Variants in ADGRV1 observed in about 807,000 individuals in gnomAD.
The protein encoded by ADGRV1 is G-protein coupled receptor 98.
In ADGRV1, 359 loss-of-function variants were observed where a neutral mutation model predicts 596.2. The ratio of observed to expected loss-of-function variants is 0.60; its 90% CI spans 0.55 to 0.66. The LOEUF (loss-of-function observed/expected upper bound fraction) is 0.66, where lower values mean the gene tolerates loss of function less well. ADGRV1 is among the 30% of genes least tolerant of loss of function. ADGRV1 has a pLI of 0.00. For synonymous variants in ADGRV1, 2,681 were observed against 2,679.2 expected (o/e 1.00, Z -0.02); for missense variants, 7,274 against 7,575.6 (o/e 0.96, Z 1.48).
At position 90,629,473 on chromosome 5, in the gene ADGRV1, A is replaced by T. The variant is rs750849136; in HGVS notation, c.1773A>T (p.Gln591His). The T allele has an allele frequency of 6.2e-7, 1 of 1,613,672 alleles. No individual in the cohort carries two copies. Among genetic ancestry groups the T allele is most frequent in the Non-Finnish European group, 8.5e-7 (1 of 1,179,780 alleles). Residue 591 changes from glutamine (Q) to histidine (H), a missense_variant, in exon 9 of 90, where the codon CAA becomes CAT. Transcript: ENST00000405460. Reference sequence around the variant, plus strand: ...TCATTTTTCCAGAGCAAAAAACTCAAGTCACTACAAAATTACCAATAAGAA... The same window carrying T: ...TCATTTTTCCAGAGCAAAAAACTCATGTCACTACAAAATTACCAATAAGAA... ...NDLIFPEQKT[Q>H]VTTKLPIRND...
rs375839872 is a variant in ADGRV1, at chr5:90,628,821, G to A, written c.1498G>A (p.Glu500Lys). 9.9e-6 allele frequency: 16 copies of A among 1,613,790 alleles called. No homozygotes were observed. The highest frequency in any genetic ancestry group is 2.2e-5 in the East Asian group (1 of 44,884). ...HTIRGGAEVS[E>K]PAELLFYIQD... Reference sequence around the variant, plus strand: ...AATACGAGGAGGTGCAGAAGTGAGCGAGCCAGCGGAGGTATAACCCTTGTT... The same window carrying A: ...AATACGAGGAGGTGCAGAAGTGAGCAAGCCAGCGGAGGTATAACCCTTGTT... Residue 500 changes from glutamate (E) to lysine (K), a missense_variant, in exon 8 of 90, where the codon GAG becomes AAG. Around this residue, in one of 5 missense-constraint regions of ADGRV1, gnomAD observed 1,715 missense variants for 1,708.8 expected, o/e 1.00. Coordinates refer to ENST00000405460, the MANE Select transcript of ADGRV1 (RefSeq NM_032119.4).
At chr5:91,058,683 A>G (rs1411162936) in intron 85 of ADGRV1, among the ~76,000 whole-genome samples, 4 of 152,016 alleles carry the variant, frequency 2.6e-5, no homozygotes, top group Non-Finnish European at 5.9e-5. Context: ...TTTTTGAATG[A>G]CCCATCATTA....
At chr5:91,100,583 A>G (rs184597878) in intron 86 of ADGRV1, among the ~76,000 whole-genome samples, 2 of 152,360 alleles carry the variant, frequency 1.3e-5, no homozygotes, top group East Asian at 3.9e-4. Flanking sequence ...ATATTAGTCT[A>G]CATTAGAAGA....
Position 90,642,849 on chromosome 5 carries a change from T to G in ADGRV1, c.2368-7T>G. The G allele has an allele frequency of 6.3e-7, 1 of 1,597,820 alleles. No individual in the cohort carries two copies. Among genetic ancestry groups the G allele is most frequent in the Non-Finnish European group, 8.5e-7 (1 of 1,173,614 alleles). ...GGGTTTCAACTTTTGTGGATTTGTT[T>G]TTAAAGGAAGGAGAATCTGTAGAGC... On this transcript the variant is annotated splice_region_variant and splice_polypyrimidine_tract_variant and intron_variant, in intron 12 of 89. Transcript: ENST00000405460.
rs1294382492 is a variant in ADGRV1 at position 90,607,730 on chromosome 5, T to C, written c.23-7105T>C. Among the ~76,000 whole-genome samples, 4 of 152,194 alleles carry C rather than the reference T, an allele frequency of 2.6e-5. No homozygotes were observed. In the East Asian group the frequency reaches 7.7e-4, roughly 29 times the overall value. ...CACTGAAAGTTGACAAGCCACATCC[T>C]TCTGCACATGCTCAGAACTTTCAAG... On this transcript the variant is annotated intron_variant, in intron 1 of 89. Coordinates refer to ENST00000405460, the MANE Select transcript of ADGRV1 (RefSeq NM_032119.4).
intron 87 of ADGRV1, among the ~76,000 whole-genome samples, chr5:91,136,263 T>A (rs1183282991): frequency 1.3e-5 from 2 of 152,150 alleles, no homozygotes; most frequent in Non-Finnish European, 2.9e-5. Flanking sequence ...AATGACTCAA[T>A]AAAGAATAAA....
At chr5:90,621,661 T>G (rs2152063668) in intron 4 of ADGRV1, among the ~76,000 whole-genome samples, 1 of 152,276 alleles carries the variant, frequency 6.6e-6, no homozygotes, top group Admixed American at 6.5e-5. Context: ...GAATCCTAGT[T>G]TCTGTCATGG....
At chr5:91,001,656 C>T (rs531412479) in intron 85 of ADGRV1, among the ~76,000 whole-genome samples, 4 of 152,192 alleles carry the variant, frequency 2.6e-5, no homozygotes, top group African/African-American at 4.8e-5. Context: ...ATATTTGCCA[C>T]GCTTTGTGAT....
intron 28 of ADGRV1, 141 bp from the exon 29 acceptor site, chr5:90,685,632 AAATAAAT>A (rs1745518243): frequency 8.5e-6 from 2 of 235,682 alleles, no homozygotes; most frequent in Non-Finnish European, 1.5e-5. Flanking sequence ...ATAAATAAAT[AAATAAAT>A]AAAATAAATA....
At chr5:90,940,172 C>A (rs1776050605) in intron 83 of ADGRV1, among the ~76,000 whole-genome samples, 1 of 152,224 alleles carries the variant, frequency 6.6e-6, no homozygotes, top group Non-Finnish European at 1.5e-5. Context: ...GGCTAAGAAT[C>A]TACCTCCCCT....
chr5:91,041,088 A>T lies in ADGRV1; in HGVS notation c.18153-31359A>T, dbSNP rs866793146. Reference sequence around the variant, plus strand: ...GTGGAAGACAGTGTGGCAATTCCTCAAGGATCTAGAACTAGAAATACCGTT... The same window carrying T: ...GTGGAAGACAGTGTGGCAATTCCTCTAGGATCTAGAACTAGAAATACCGTT... On this transcript the variant is annotated intron_variant, in intron 85 of 89. Transcript: ENST00000405460. Among the ~76,000 whole-genome samples, 6 of 152,216 alleles carry T rather than the reference A, an allele frequency of 3.9e-5. No homozygotes were observed. In the South Asian group the frequency reaches 1.2e-3, roughly 32 times the overall value.
In ADGRV1 at chr5:90,647,758, T is replaced by G; in HGVS notation, c.3283T>G (p.Ser1095Ala). The G allele has an allele frequency of 6.2e-7, 1 of 1,610,872 alleles. No individual in the cohort carries two copies. The highest frequency in any genetic ancestry group is 8.5e-7 in the Non-Finnish European group (1 of 1,178,076). The change falls in exon 17 of 90, where the codon TCA (serine) becomes GCA (alanine). Residue 1095 changes from serine to alanine, a missense_variant. Physicochemically the swap from Ser to Ala is moderately conservative, Grantham distance 99. This residue lies in a region of ADGRV1 where 1,715 missense variants were observed against 1,708.8 expected (regional missense o/e 1.00). Coordinates refer to ENST00000405460, the MANE Select transcript of ADGRV1 (RefSeq NM_032119.4). ...GCCCTTTTATATAATCCTCTTGAAT[T>G]CAACAGGTAAGTAAATTATGCTTTT... ...DEPFYIILLN[S>A]TGDTVVYQYG...
At chr5:90,595,774 TG>T (rs1760386556) in intron 1 of ADGRV1, among the ~76,000 whole-genome samples, 3 of 126,688 alleles carry the variant, frequency 2.4e-5, no homozygotes, top group African/African-American at 6.1e-5. Context: ...ACGGGGTGGC[TG>T]GCCGGGCGGG....
chr5:90,853,677 C>A, intron 80 of ADGRV1, 144 bp downstream of exon 80: 1 of 736,134 alleles, frequency 1.4e-6, no homozygotes, highest in Non-Finnish European at 2.1e-6. Flanking sequence ...TCTTTATGAA[C>A]TATTTGTAGA....
intron 83 of ADGRV1, among the ~76,000 whole-genome samples, chr5:90,921,796 G>GTTTT (rs571601390): frequency 1.1e-4 from 14 of 124,398 alleles, no homozygotes; most frequent in Non-Finnish European, 1.0e-4. Flanking sequence ...GTTGTGTCTT[G>GTTTT]TTTTTTTTTT....
intron 75 of ADGRV1, chr5:90,822,089 C>T (rs1214799454): frequency 6.5e-6 from 1 of 154,342 alleles, no homozygotes; most frequent in Non-Finnish European, 1.4e-5. Flanking sequence ...GTAGGACCCT[C>T]CGAGCCAGGT....
At chr5:90,619,772 C>T (rs148223071) in intron 4 of ADGRV1, among the ~76,000 whole-genome samples, 2,772 of 142,592 alleles carry the variant, frequency 0.019, 89 homozygotes, top group African/African-American at 0.063. Context: ...CCACAACAGA[C>T]GCCGGTGTGT....
chr5:90,694,683 A>C lies in ADGRV1; in HGVS notation c.7927A>C (p.Ile2643Leu). The C allele has an allele frequency of 6.3e-7, 1 of 1,584,896 alleles. No homozygotes were observed. Among genetic ancestry groups the C allele is most frequent in the Non-Finnish European group, 8.6e-7 (1 of 1,164,680 alleles). Residue 2643 changes from isoleucine (I) to leucine (L), a missense_variant, in exon 33 of 90, where the codon ATT (isoleucine) becomes CTT (leucine). By Grantham distance (5) the Ile-to-Leu change is conservative. Coordinates refer to ENST00000405460, the MANE Select transcript of ADGRV1 (RefSeq NM_032119.4). ...TTTAGATTTTATAGGTGCTGGAGAGATTCTGACCTTTGCTGAAGGTGAGCA... is the reference window on the plus strand; with the variant it reads ...TTTAGATTTTATAGGTGCTGGAGAGCTTCTGACCTTTGCTGAAGGTGAGCA... The part of the protein sequence containing the change: ...EGLDFIGAGE[I>L]LTFAEGETKK...
At chr5:90,693,059 C>A (rs1746690713) in intron 32 of ADGRV1, among the ~76,000 whole-genome samples, 1 of 151,734 alleles carries the variant, frequency 6.6e-6, no homozygotes, top group African/African-American at 2.4e-5. Context: ...TAATTTGTTA[C>A]AATTAGTACT....
Sources: allele counts gnomAD v4.1 joint callset (sites outside exome capture counted in the v4.1 genomes callset), GRCh38; gene constraint gnomAD v4.1.1; regional missense constraint gnomAD v4.1.1; transcripts MANE v1.5; gene names NCBI Gene and HGNC (gene_info 2026-07-23, HGNC 2026-07-21).